Variants in NTRK3 observed in about 807,000 individuals in gnomAD.
NTRK3 encodes NT-3 growth factor receptor.
In NTRK3, 24 loss-of-function variants were observed where a neutral mutation model predicts 91.7. The ratio of observed to expected loss-of-function variants is 0.26; its 90% CI spans 0.19 to 0.37. The LOEUF (loss-of-function observed/expected upper bound fraction) is 0.37. Among genes scored for constraint, NTRK3 ranks in the 10% least tolerant of loss-of-function variants. NTRK3 has a pLI of 1.00. For missense variants in NTRK3, 880 were observed against 1,068.9 expected, an observed-to-expected ratio of 0.82 and a Z score of 2.46; for synonymous variants, 483 against 404.0, an observed-to-expected ratio of 1.20 and a Z score of -2.34.
At chr15:88,239,534 A>G (rs559370960) in intron 3 of NTRK3, among the ~76,000 whole-genome samples, 1 of 152,252 alleles carries the variant, frequency 6.6e-6, no homozygotes, top group East Asian at 1.9e-4. Flanking sequence ...TCTCAACTAC[A>G]GGTTGGATCA....
chr15:87,922,898 T>G (rs1416718529), intron 17 of NTRK3, among the ~76,000 whole-genome samples: 1 of 152,202 alleles, frequency 6.6e-6, no homozygotes, highest in Non-Finnish European at 1.5e-5. Context: ...AGGATGTAGT[T>G]TCTTGAATTT....
chr15:88,167,154 A>G (rs1045056979), intron 5 of NTRK3, among the ~76,000 whole-genome samples: 12 of 152,210 alleles, frequency 7.9e-5, no homozygotes, highest in African/African-American at 2.9e-4. Flanking sequence ...CAGTGTTTCC[A>G]AACTACTTTC....
exon 19 of NTRK3, chr15:87,871,673 A>G: frequency 4.4e-6 from 1 of 228,614 alleles, no homozygotes. Flanking sequence ...ATCTTCCTGA[A>G]TGTTTCTGAG....
intron 14 of NTRK3, among the ~76,000 whole-genome samples, chr15:87,957,769 A>G (rs1473258865): frequency 6.6e-6 from 1 of 152,200 alleles, no homozygotes; most frequent in Admixed American, 6.5e-5. Context: ...GAATCATTTT[A>G]AGCTTCTACC....
chr15:88,133,251 A>G (rs185360545), intron 10 of NTRK3, among the ~76,000 whole-genome samples: 3 of 152,272 alleles, frequency 2.0e-5, no homozygotes, highest in Admixed American at 2.0e-4. Context: ...TCGTGGGGGC[A>G]GAGGAGGTAT....
chr15:88,178,152 T>C (rs1266940876), intron 5 of NTRK3, among the ~76,000 whole-genome samples: 2 of 152,186 alleles, frequency 1.3e-5, no homozygotes, highest in African/African-American at 4.8e-5. Flanking sequence ...CCAATCCTTT[T>C]GGGACTTGGA....
At chr15:88,033,246 T>G (rs1358275011) in intron 13 of NTRK3, among the ~76,000 whole-genome samples, 1 of 135,464 alleles carries the variant, frequency 7.4e-6, no homozygotes, top group African/African-American at 2.9e-5. Context: ...CTGGTGTATT[T>G]TAGATATTAA....
At chr15:88,132,622 C>T (rs1239918496) in intron 10 of NTRK3, among the ~76,000 whole-genome samples, 4 of 152,206 alleles carry the variant, frequency 2.6e-5, no homozygotes, top group Non-Finnish European at 5.9e-5. Context: ...TGTCTCCACA[C>T]TTTCACATCA....
chr15:87,894,439 A>G (rs2066004177), intron 17 of NTRK3, among the ~76,000 whole-genome samples: 1 of 152,188 alleles, frequency 6.6e-6, no homozygotes, highest in African/African-American at 2.4e-5. Flanking sequence ...GTGTGTGACA[A>G]TGCATGTGCA....
At chr15:88,020,060 T>C (rs1236637011) in intron 14 of NTRK3, among the ~76,000 whole-genome samples, 1 of 152,216 alleles carries the variant, frequency 6.6e-6, no homozygotes, top group Non-Finnish European at 1.5e-5. Flanking sequence ...AGACAGACAT[T>C]GAAGCCCTAA....
At chr15:87,883,911 G>GA (rs958123971) in intron 17 of NTRK3, among the ~76,000 whole-genome samples, 6 of 134,134 alleles carry the variant, frequency 4.5e-5, no homozygotes, top group Admixed American at 7.7e-5. Flanking sequence ...AGTAATTTTT[G>GA]AAAAAAAAAT....
intron 14 of NTRK3, among the ~76,000 whole-genome samples, chr15:87,984,798 C>A (rs1403219103): frequency 3.3e-5 from 5 of 152,154 alleles, no homozygotes; most frequent in African/African-American, 1.2e-4. Flanking sequence ...AGAATTACTG[C>A]ACAGTGATAA....
chr15:87,955,034 C>G (rs2071519600), intron 14 of NTRK3, among the ~76,000 whole-genome samples: 1 of 152,218 alleles, frequency 6.6e-6, no homozygotes, highest in Non-Finnish European at 1.5e-5. Flanking sequence ...CTCAACCTCT[C>G]TGACATGACA....
chr15:87,942,830 T>C (rs1258804698), intron 14 of NTRK3, among the ~76,000 whole-genome samples: 1 of 152,202 alleles, frequency 6.6e-6, no homozygotes, highest in African/African-American at 2.4e-5. Flanking sequence ...TCCTCCAAAA[T>C]GTAGGCTGTG....
intron 14 of NTRK3, among the ~76,000 whole-genome samples, chr15:87,956,340 T>C: frequency 6.6e-6 from 1 of 152,170 alleles, no homozygotes; most frequent in East Asian, 1.9e-4. Flanking sequence ...AATGGCACAA[T>C]CTCGGCTCAC....
chr15:87,953,929 C>T (rs2071397833), intron 14 of NTRK3, among the ~76,000 whole-genome samples: 1 of 152,018 alleles, frequency 6.6e-6, no homozygotes, highest in South Asian at 2.1e-4. Flanking sequence ...GCCCCTCCTC[C>T]GTGCGGGTTA....
At chr15:88,123,362 G>A (rs146285084) in intron 13 of NTRK3, among the ~76,000 whole-genome samples, 61 of 152,318 alleles carry the variant, frequency 4.0e-4, no homozygotes, top group African/African-American at 1.4e-3. Flanking sequence ...GACTGGGGTG[G>A]ATGTGAAGAG....
intron 5 of NTRK3, among the ~76,000 whole-genome samples, chr15:88,151,512 G>A (rs1343252374): frequency 1.3e-5 from 2 of 152,166 alleles, no homozygotes; most frequent in Non-Finnish European, 2.9e-5. Flanking sequence ...CCTTCCTAAT[G>A]GTGGCACCCA....
At chr15:88,127,253 G>A (rs763431852) in intron 11 of NTRK3, 27 bp from the exon 12 acceptor site, 4 of 1,602,760 alleles carry the variant, frequency 2.5e-6, no homozygotes, top group Admixed American at 3.3e-5. Context: ...AAAAGGAGGA[G>A]GACAGTTAGC....
Sources: gnomAD v4.1 joint callset for allele counts (sites outside exome capture counted in the v4.1 genomes callset) on GRCh38, gnomAD v4.1.1 for gene constraint, MANE v1.5 for transcripts, NCBI Gene and HGNC (gene_info 2026-07-23, HGNC 2026-07-21) for gene names.